The following NKAIN2 variants were observed in gnomAD, a reference collection of about 807,000 sequenced individuals.
NKAIN2 encodes the protein sodium/potassium transporting ATPase interacting 2, also known as sodium/potassium-transporting ATPase subunit beta-1-interacting protein 2.
In NKAIN2, 14 loss-of-function variants were observed where a neutral mutation model predicts 32.6. The ratio of observed to expected loss-of-function variants is 0.43; its 90% CI spans 0.28 to 0.67. The LOEUF (loss-of-function observed/expected upper bound fraction) is 0.67, where lower values mean the gene tolerates loss of function less well. Among genes scored for constraint, NKAIN2 ranks in the 30% least tolerant of loss-of-function variants. The probability of loss-of-function intolerance (pLI) is 0.17; values close to 1 mark genes in which losing one functional copy is unlikely to be tolerated. For synonymous variants in NKAIN2, 80 were observed against 87.2 expected, an observed-to-expected ratio of 0.92 and a Z score of 0.46; for missense variants, 198 against 258.3, an observed-to-expected ratio of 0.77 and a Z score of 1.60.
intron 4 of NKAIN2, among the ~76,000 whole-genome samples, chr6:124,786,167 G>C (rs543773179): frequency 6.6e-6 from 1 of 151,958 alleles, no homozygotes; most frequent in African/African-American, 2.4e-5. Context: ...CAGAGTTATA[G>C]GCTTCTTCAG....
chr6:124,757,591 G>A (rs1778025355), intron 4 of NKAIN2, among the ~76,000 whole-genome samples: 1 of 152,116 alleles, frequency 6.6e-6, no homozygotes, highest in African/African-American at 2.4e-5. Flanking sequence ...GCCAATTGAT[G>A]CATGTCTGTA....
intron 5 of NKAIN2, among the ~76,000 whole-genome samples, chr6:124,817,464 C>T (rs1303483560): frequency 4.6e-5 from 7 of 152,118 alleles, no homozygotes; most frequent in African/African-American, 1.7e-4. Flanking sequence ...TCATTGATCT[C>T]TCCATGCGGG....
chr6:124,211,521 T>A (rs1791174614), intron 1 of NKAIN2, among the ~76,000 whole-genome samples: 1 of 151,936 alleles, frequency 6.6e-6, no homozygotes, highest in Admixed American at 6.6e-5. Context: ...GAAGAGATTA[T>A]TTAAAAGTAA....
At chr6:124,351,293 T>C (rs940610084) in intron 2 of NKAIN2, among the ~76,000 whole-genome samples, 1 of 152,002 alleles carries the variant, frequency 6.6e-6, no homozygotes, top group Non-Finnish European at 1.5e-5. Context: ...GGCAGGCAGA[T>C]AGCTTGAGCC....
intron 1 of NKAIN2, among the ~76,000 whole-genome samples, chr6:123,981,498 C>T (rs1003362405): frequency 2.6e-5 from 4 of 152,144 alleles, no homozygotes; most frequent in African/African-American, 9.7e-5. Context: ...TGCAGACCTT[C>T]CCATTAGCCA....
chr6:124,341,058 T>G (rs1394478370), intron 2 of NKAIN2, among the ~76,000 whole-genome samples: 2 of 152,178 alleles, frequency 1.3e-5, no homozygotes, highest in Non-Finnish European at 2.9e-5. Context: ...ATAATGCCTG[T>G]TGGATGTTCT....
intron 3 of NKAIN2, among the ~76,000 whole-genome samples, chr6:124,583,670 C>T (rs1026799495): frequency 5.3e-5 from 8 of 152,056 alleles, no homozygotes; most frequent in Admixed American, 3.9e-4. Context: ...CCACAATCGA[C>T]CTAGAACAGC....
intron 3 of NKAIN2, among the ~76,000 whole-genome samples, chr6:124,585,802 T>G (rs2114950356): frequency 6.6e-6 from 1 of 152,288 alleles, no homozygotes; most frequent in South Asian, 2.1e-4. Context: ...ACAGCAAAAT[T>G]TACCCTTTTT....
At chr6:124,775,916 G>T (rs9482574) in intron 4 of NKAIN2, among the ~76,000 whole-genome samples, 26,927 of 152,020 alleles carry the variant, frequency 0.18, 3,109 homozygotes, top group African/African-American at 0.32. Flanking sequence ...TATCCAAAGG[G>T]TCCAAAGGGT....
intron 1 of NKAIN2, among the ~76,000 whole-genome samples, chr6:124,107,358 C>A (rs947467744): frequency 2.0e-5 from 3 of 151,988 alleles, no homozygotes; most frequent in East Asian, 1.9e-4. Flanking sequence ...GGTAGAAAAC[C>A]AATTGTAGGA....
chr6:123,828,313 G>C (rs988576126), intron 1 of NKAIN2, among the ~76,000 whole-genome samples: 1 of 152,066 alleles, frequency 6.6e-6, no homozygotes, highest in Admixed American at 6.6e-5. Context: ...GGTTAACCTC[G>C]AGGACTGCTG....
chr6:124,291,005 T>G (rs1009267587), intron 2 of NKAIN2, among the ~76,000 whole-genome samples: 4 of 152,148 alleles, frequency 2.6e-5, no homozygotes, highest in Non-Finnish European at 2.9e-5. Flanking sequence ...CATGCTTTCT[T>G]AAATTCCATC....
intron 1 of NKAIN2, among the ~76,000 whole-genome samples, chr6:123,956,153 A>C (rs1001136045): frequency 6.6e-6 from 1 of 152,210 alleles, no homozygotes; most frequent in Admixed American, 6.5e-5. Flanking sequence ...TTAAAAATAC[A>C]TGGATGCTTG....
At chr6:123,857,034 A>G (rs561336558) in intron 1 of NKAIN2, among the ~76,000 whole-genome samples, 9 of 152,200 alleles carry the variant, frequency 5.9e-5, no homozygotes, top group East Asian at 1.9e-4. Context: ...TTTATTCCTC[A>G]TAGTTGAAGT....
At chr6:123,897,224 C>T (rs1240022136) in intron 1 of NKAIN2, among the ~76,000 whole-genome samples, 3 of 152,124 alleles carry the variant, frequency 2.0e-5, no homozygotes, top group Non-Finnish European at 4.4e-5. Flanking sequence ...AAAAGCAAAG[C>T]ATCCATACTG....
chr6:124,352,596 G>T (rs865875919), intron 2 of NKAIN2, among the ~76,000 whole-genome samples: 4 of 151,590 alleles, frequency 2.6e-5, no homozygotes, highest in South Asian at 2.1e-4. Flanking sequence ...ATCAGCCATT[G>T]CTGAAGTCCT....
intron 3 of NKAIN2, among the ~76,000 whole-genome samples, chr6:124,472,533 A>C (rs1044243173): frequency 7.2e-5 from 11 of 152,088 alleles, no homozygotes; most frequent in Non-Finnish European, 1.5e-5. Flanking sequence ...GGAAACGGGG[A>C]GGAAGAATTT....
At chr6:124,162,168 G>A (rs1788313724) in intron 1 of NKAIN2, among the ~76,000 whole-genome samples, 1 of 151,998 alleles carries the variant, frequency 6.6e-6, no homozygotes, top group African/African-American at 2.4e-5. Context: ...AGTGCCCTTG[G>A]TGGTGAAAGA....
intron 3 of NKAIN2, among the ~76,000 whole-genome samples, chr6:124,432,838 C>T (rs1339131145): frequency 6.6e-6 from 1 of 151,944 alleles, no homozygotes; most frequent in Non-Finnish European, 1.5e-5. Flanking sequence ...ACTGCTTCTT[C>T]CCCCACAGTC....
Sources: gnomAD v4.1 joint callset for allele counts (sites outside exome capture counted in the v4.1 genomes callset) on GRCh38, gnomAD v4.1.1 for gene constraint, MANE v1.5 for transcripts, NCBI Gene and HGNC (gene_info 2026-07-23, HGNC 2026-07-21) for gene names.